Variants in EPHA3 observed in about 807,000 individuals in gnomAD.
EPHA3 encodes EPH receptor A3.
EPHA3 carries 42 observed loss-of-function variants against 107.1 expected under a neutral mutation model. The observed-to-expected ratio is 0.39, with a 90% CI of 0.31 to 0.51. The LOEUF is 0.51. Among genes scored for constraint, EPHA3 ranks in the 20% least tolerant of loss-of-function variants. The pLI is 0.78. For synonymous variants in EPHA3, 461 were observed against 424.8 expected (o/e 1.09, Z -1.05); for missense variants, 1,183 against 1,211.2 (o/e 0.98, Z 0.35).
chr3:89,217,830 G>T (rs928302052), intron 3 of EPHA3, among the ~76,000 whole-genome samples: 3 of 152,142 alleles, frequency 2.0e-5, no homozygotes, highest in African/African-American at 7.2e-5. Context: ...GCTATGAGAT[G>T]AAGGAATACC....
At chr3:89,456,270 G>A (rs1576388280) in intron 15 of EPHA3, among the ~76,000 whole-genome samples, 1 of 142,302 alleles carries the variant, frequency 7.0e-6, no homozygotes, top group Non-Finnish European at 1.5e-5. Context: ...AACTGAATTC[G>A]TGGCTGGTAC....
At chr3:89,159,267 T>A (rs1297318190) in intron 2 of EPHA3, among the ~76,000 whole-genome samples, 1 of 152,152 alleles carries the variant, frequency 6.6e-6, no homozygotes, top group African/African-American at 2.4e-5. Flanking sequence ...ATGCATGTTT[T>A]ATGAATCAGA....
At chr3:89,388,859 T>C (rs992489053) in intron 5 of EPHA3, among the ~76,000 whole-genome samples, 1 of 152,184 alleles carries the variant, frequency 6.6e-6, no homozygotes, top group African/African-American at 2.4e-5. Flanking sequence ...AATTATGTGA[T>C]TTTGAAAGAG....
At chr3:89,131,627 C>T (rs1431921796) in intron 2 of EPHA3, among the ~76,000 whole-genome samples, 3 of 152,066 alleles carry the variant, frequency 2.0e-5, no homozygotes, top group African/African-American at 7.2e-5. Context: ...AGCTATGACT[C>T]ACTTAATTAA....
intron 5 of EPHA3, among the ~76,000 whole-genome samples, chr3:89,368,819 AC>A (rs1328022752): frequency 6.0e-5 from 9 of 148,806 alleles, no homozygotes; most frequent in African/African-American, 2.2e-4. Flanking sequence ...CCCAGAAAAA[AC>A]AAAAAACAAA....
At chr3:89,369,146 T>C (rs1417254861) in intron 5 of EPHA3, among the ~76,000 whole-genome samples, 1 of 150,352 alleles carries the variant, frequency 6.7e-6, no homozygotes, top group Non-Finnish European at 1.5e-5. Flanking sequence ...ACTCAAGGAA[T>C]GGTAAGAAGG....
chr3:89,403,017 G>A (rs899585195), intron 7 of EPHA3, among the ~76,000 whole-genome samples: 17 of 152,160 alleles, frequency 1.1e-4, no homozygotes, highest in Non-Finnish European at 2.4e-4. Flanking sequence ...TCTCATTCAT[G>A]ACATGTATGC....
At position 89,348,814 on chromosome 3, in the gene EPHA3, T is replaced by C. The variant is rs1319625776; in HGVS notation, c.1306+6724T>C. On this transcript the variant is annotated intron_variant, in intron 5 of 16. Transcript: ENST00000336596. ...GCATCCCAGAGATTCTGGTATGTCG[T>C]GTCTTTGTTCTTGTTGGTTTCAAAG... Among the ~76,000 whole-genome samples the C allele has an allele frequency of 5.6e-5, 8 of 144,068 alleles. 1 individual carries two copies. The highest frequency in any genetic ancestry group is 2.1e-4 in the Admixed American group (3 of 14,444). 94.5% of individuals were successfully genotyped at this position (144,068 alleles called of 152,430 possible).
Position 89,210,001 on chromosome 3 carries a change from C to A in EPHA3, c.295C>A (p.Leu99Ile). ...CTCAGCTCAGAAGATTTATGTGGAG[C>A]TCAAGTTCACTCTACGAGACTGCAA... ...RNSAQKIYVELKFTLRDCNSI... is the reference protein window; with the variant it reads ...RNSAQKIYVEIKFTLRDCNSI... Residue 99 changes from leucine to isoleucine, a missense_variant, in exon 3 of 17, where the codon CTC becomes ATC. Leu to Ile is a conservative substitution (Grantham distance 5). Coordinates refer to ENST00000336596, the MANE Select transcript of EPHA3 (RefSeq NM_005233.6). The A allele has an allele frequency of 1.2e-6, 2 of 1,613,960 alleles. No homozygotes were observed. Among genetic ancestry groups the A allele is most frequent in the Non-Finnish European group, 1.7e-6 (2 of 1,179,946 alleles).
At chr3:89,473,549 T>C (rs1410104362) in intron 16 of EPHA3, among the ~76,000 whole-genome samples, 1 of 152,214 alleles carries the variant, frequency 6.6e-6, no homozygotes, top group African/African-American at 2.4e-5. Flanking sequence ...ACATAATTTT[T>C]TCTTTTTCTG....
chr3:89,285,479 T>A (rs924468845), intron 3 of EPHA3, among the ~76,000 whole-genome samples: 1 of 152,190 alleles, frequency 6.6e-6, no homozygotes, highest in Non-Finnish European at 1.5e-5. Flanking sequence ...ATCATTACTA[T>A]GAAGCAAAGA....
chr3:89,182,918 T>G (rs1276381580), intron 2 of EPHA3, among the ~76,000 whole-genome samples: 3 of 151,954 alleles, frequency 2.0e-5, no homozygotes, highest in African/African-American at 7.2e-5. Context: ...TAAAATATTT[T>G]GAATGAAAAT....
intron 1 of EPHA3, among the ~76,000 whole-genome samples, chr3:89,113,964 C>T (rs1355441815): frequency 6.6e-6 from 1 of 152,096 alleles, no homozygotes; most frequent in Non-Finnish European, 1.5e-5. Context: ...AACTAGAAGC[C>T]CTGAGTGTGA....
chr3:89,429,451 A>T (rs1709520602), intron 12 of EPHA3, among the ~76,000 whole-genome samples: 1 of 152,170 alleles, frequency 6.6e-6, no homozygotes, highest in Non-Finnish European at 1.5e-5. Context: ...AAAGAATCCT[A>T]AAGCAAGTAA....
At chr3:89,324,945 T>A (rs1707132229) in intron 3 of EPHA3, among the ~76,000 whole-genome samples, 1 of 152,154 alleles carries the variant, frequency 6.6e-6, no homozygotes, top group Non-Finnish European at 1.5e-5. Flanking sequence ...TAAGTGAGAA[T>A]GTGCACTATT....
intron 2 of EPHA3, among the ~76,000 whole-genome samples, chr3:89,155,052 A>G (rs1704769257): frequency 6.6e-6 from 1 of 151,580 alleles, no homozygotes; most frequent in Admixed American, 6.6e-5. Context: ...ACAGCTATTA[A>G]GCACTTACTG....
At chr3:89,306,262 A>G (rs796933615) in intron 3 of EPHA3, among the ~76,000 whole-genome samples, 18 of 152,312 alleles carry the variant, frequency 1.2e-4, no homozygotes, top group African/African-American at 4.3e-4. Flanking sequence ...AAATAATAAC[A>G]CCAGAATTCT....
chr3:89,373,119 T>C (rs1403783335), intron 5 of EPHA3, among the ~76,000 whole-genome samples: 1 of 151,918 alleles, frequency 6.6e-6, no homozygotes, highest in African/African-American at 2.4e-5. Context: ...CATAGAGTAT[T>C]GTACTTATTG....
At chr3:89,228,258 A>C (rs1440706630) in intron 3 of EPHA3, among the ~76,000 whole-genome samples, 1 of 151,910 alleles carries the variant, frequency 6.6e-6, no homozygotes, top group East Asian at 1.9e-4. Context: ...ATGTGTATTT[A>C]AGTGTTCTAC....
Sources: allele counts gnomAD v4.1 joint callset (sites outside exome capture counted in the v4.1 genomes callset), GRCh38; gene constraint gnomAD v4.1.1; transcripts MANE v1.5; gene names NCBI Gene and HGNC (gene_info 2026-07-23, HGNC 2026-07-21).